ERGIC1: variants seen among roughly 807,000 people sequenced by gnomAD.
ERGIC1 encodes the protein endoplasmic reticulum-Golgi intermediate compartment protein 1.
A neutral mutation model predicts 38.3 loss-of-function variants in ERGIC1; 19 were observed. The observed-to-expected ratio is 0.50, with a 90% CI of 0.35 to 0.73. The LOEUF (loss-of-function observed/expected upper bound fraction) is 0.73, where lower values mean the gene tolerates loss of function less well. Ranked by LOEUF, ERGIC1 falls within the 30% of genes least tolerant of loss-of-function variation. The pLI, the probability that ERGIC1 is intolerant of heterozygous loss-of-function variation, is 0.01. For missense variants in ERGIC1, 294 were observed against 389.2 expected (o/e 0.76, Z 2.06); for synonymous variants, 124 against 157.6 (o/e 0.79, Z 1.60).
intron 1 of ERGIC1, among the ~76,000 whole-genome samples, chr5:172,839,844 C>G (rs1761118181): frequency 6.6e-6 from 1 of 152,200 alleles, no homozygotes; most frequent in Non-Finnish European, 1.5e-5. Flanking sequence ...TTCGGAAACA[C>G]GGTCGTTCCC....
At position 172,834,376 on chromosome 5, in the gene ERGIC1, G is replaced by C. The variant is rs768564272; in HGVS notation, c.-38G>C. ...TCGGACCCACGCGGCGCCGCGGCCCGCCTGGCCTGCAGCGCTCCCACCCCC... is the reference window on the plus strand; with the variant it reads ...TCGGACCCACGCGGCGCCGCGGCCCCCCTGGCCTGCAGCGCTCCCACCCCC... On this transcript the variant is annotated 5_prime_UTR_variant, in exon 1 of 10. Transcript: ENST00000393784. This position sits in a 1 kb window ranked among gnomAD's most constrained non-coding sequence, Gnocchi z 4.1. 5.8e-5 allele frequency: 75 copies of C among 1,283,708 alleles called. No homozygotes were observed. Among genetic ancestry groups the C allele is most frequent in the Non-Finnish European group, 7.1e-5 (72 of 1,015,256 alleles). 79.5% of individuals were successfully genotyped at this position (1,283,708 alleles called of 1,614,324 possible). A position where few individuals can be genotyped will look rare whatever the true frequency, so the allele number is the denominator to read the frequency against.
At chr5:172,941,802 T>C (rs1408707402) in intron 9 of ERGIC1, among the ~76,000 whole-genome samples, 1 of 152,224 alleles carries the variant, frequency 6.6e-6, no homozygotes, top group African/African-American at 2.4e-5. Flanking sequence ...GTTTGCAAGT[T>C]TTCCTGCCCA....
At chr5:172,915,298 C>T (rs933467891) in intron 5 of ERGIC1, 10 of 539,488 alleles carry the variant, frequency 1.9e-5, no homozygotes, top group African/African-American at 1.3e-4. Flanking sequence ...TTGAATGGCA[C>T]GTTCTGTGTT....
intron 2 of ERGIC1, among the ~76,000 whole-genome samples, chr5:172,889,328 G>A (rs1470687492): frequency 1.3e-5 from 2 of 151,930 alleles, no homozygotes; most frequent in African/African-American, 4.8e-5. Flanking sequence ...TGGGCCCAGG[G>A]GTAGGAAGGA....
chr5:172,906,230 C>T (rs898255673), intron 3 of ERGIC1: 1 of 453,850 alleles, frequency 2.2e-6, no homozygotes, highest in Non-Finnish European at 4.4e-6. Context: ...CCAGGGCCCT[C>T]CTTCATTTTC....
chr5:172,871,860 T>C (rs1762018391), intron 1 of ERGIC1, among the ~76,000 whole-genome samples: 2 of 152,204 alleles, frequency 1.3e-5, no homozygotes, highest in Admixed American at 1.3e-4. Context: ...ACCTGCTTAT[T>C]ATAGAAAAAG....
chr5:172,887,592 G>T (rs1339650140), intron 1 of ERGIC1, among the ~76,000 whole-genome samples: 1 of 152,146 alleles, frequency 6.6e-6, no homozygotes, highest in Non-Finnish European at 1.5e-5. Context: ...CTGATTCCAG[G>T]GTCTTAACTC....
At chr5:172,914,966 C>A in intron 5 of ERGIC1, 128 bp downstream of exon 5, 1 of 1,445,668 alleles carries the variant, frequency 6.9e-7, no homozygotes, top group Non-Finnish European at 9.5e-7. Flanking sequence ...AGCGAGGGTT[C>A]GTGTCCAGCT....
chr5:172,847,532 T>C (rs1761308929), intron 1 of ERGIC1, among the ~76,000 whole-genome samples: 2 of 152,130 alleles, frequency 1.3e-5, no homozygotes, highest in Non-Finnish European at 2.9e-5. Context: ...TTGTTGTTGT[T>C]GAGAGGGAGT....
chr5:172,876,911 C>T (rs1026079532), intron 1 of ERGIC1, among the ~76,000 whole-genome samples: 3 of 152,042 alleles, frequency 2.0e-5, no homozygotes, highest in African/African-American at 7.2e-5. Flanking sequence ...CATTGCACTC[C>T]AGCCTGGGCG....
intron 1 of ERGIC1, among the ~76,000 whole-genome samples, chr5:172,859,252 C>G (rs1761635586): frequency 6.6e-6 from 1 of 152,078 alleles, no homozygotes; most frequent in South Asian, 2.1e-4. Context: ...AAGAGGGGAC[C>G]AGGCCCCGGC....
At chr5:172,884,021 C>T (rs1433774233) in intron 1 of ERGIC1, among the ~76,000 whole-genome samples, 1 of 152,160 alleles carries the variant, frequency 6.6e-6, no homozygotes, top group African/African-American at 2.4e-5. Context: ...AATTTCTCCA[C>T]TGCACAGTTA....
chr5:172,881,848 C>T (rs1406191982), intron 1 of ERGIC1, among the ~76,000 whole-genome samples: 2 of 152,186 alleles, frequency 1.3e-5, no homozygotes, highest in African/African-American at 4.8e-5. Flanking sequence ...CCTCTGTGGC[C>T]CTAGTATATA....
chr5:172,912,229 A>G (rs2113392543), intron 4 of ERGIC1, among the ~76,000 whole-genome samples: 1 of 152,200 alleles, frequency 6.6e-6, no homozygotes, highest in East Asian at 1.9e-4. Context: ...GATTTGAGGT[A>G]TCTTAGCAGA....
intron 5 of ERGIC1, 120 bp downstream of exon 5, chr5:172,914,958 C>T (rs534797808): frequency 1.1e-5 from 16 of 1,494,222 alleles, no homozygotes; most frequent in East Asian, 7.2e-5. Context: ...CCCCAGCAAG[C>T]GAGGGTTCGT....
chr5:172,909,882 T>G, intron 4 of ERGIC1, 121 bp downstream of exon 4: 1 of 871,542 alleles, frequency 1.1e-6, no homozygotes, highest in Non-Finnish European at 1.9e-6. Context: ...CCCACTCTTT[T>G]TTGGAGGAGA....
rs1760985537 is a variant in ERGIC1 at position 172,834,583 on chromosome 5, C to CCA, written c.20+151_20+152insAC. The CCA allele has an allele frequency of 1.4e-6, 1 of 709,952 alleles. No homozygotes were observed. Among genetic ancestry groups the CCA allele is most frequent in the Non-Finnish European group, 1.9e-6 (1 of 533,564 alleles). 44.0% of individuals were successfully genotyped at this position (709,952 alleles called of 1,614,324 possible). A position where few individuals can be genotyped will look rare whatever the true frequency, so the allele number is the denominator to read the frequency against. On this transcript the variant is annotated intron_variant, in intron 1 of 9. Coordinates refer to ENST00000393784, the MANE Select transcript of ERGIC1 (RefSeq NM_001031711.3). This position sits in a 1 kb window ranked among gnomAD's most constrained non-coding sequence, Gnocchi z 4.1. ...GGCCCCTAGGGACCCCAGGCGAGCC[C>CCA]CCCCCCTGCCGCACACGAAGCCAGC...
At chr5:172,878,757 A>C (rs934676277) in intron 1 of ERGIC1, among the ~76,000 whole-genome samples, 2 of 152,070 alleles carry the variant, frequency 1.3e-5, no homozygotes, top group Non-Finnish European at 2.9e-5. Context: ...GCCTGCCTCC[A>C]CTTGGCTCTG....
At chr5:172,908,300 C>CGGGGGGG (rs374463442) in intron 3 of ERGIC1, among the ~76,000 whole-genome samples, 16 of 17,138 alleles carry the variant, frequency 9.3e-4, no homozygotes, top group Non-Finnish European at 1.0e-3. Flanking sequence ...GAGGCTGAGG[C>CGGGGGGG]GGGGGCGGGG....
Sources: gnomAD v4.1 joint callset for allele counts (sites outside exome capture counted in the v4.1 genomes callset) on GRCh38, gnomAD v4.1.1 for gene constraint, Gnocchi (gnomAD v3.1) non-coding constraint, MANE v1.5 for transcripts, NCBI Gene and HGNC (gene_info 2026-07-23, HGNC 2026-07-21) for gene names.